Variants in GRM7 observed in about 807,000 individuals in gnomAD.
GRM7 encodes the protein glutamate metabotropic receptor 7.
GRM7 carries 35 observed loss-of-function variants against 84.5 expected under a neutral mutation model. The ratio of observed to expected loss-of-function variants is 0.41; its 90% CI spans 0.32 to 0.55. The LOEUF (loss-of-function observed/expected upper bound fraction) is 0.55, where lower values mean the gene tolerates loss of function less well. GRM7 is among the 20% of genes least tolerant of loss of function. GRM7 has a pLI of 0.19. For missense variants in GRM7, 1,003 were observed against 1,194.6 expected, an observed-to-expected ratio of 0.84 and a Z score of 2.36; for synonymous variants, 487 against 455.1, an observed-to-expected ratio of 1.07 and a Z score of -0.89.
chr3:7,381,864 A>G (rs1694605133), intron 4 of GRM7, among the ~76,000 whole-genome samples: 1 of 152,186 alleles, frequency 6.6e-6, no homozygotes, highest in African/African-American at 2.4e-5. Context: ...AGGCACATTT[A>G]AGGTTACCTA....
At chr3:6,884,817 C>T (rs2124969749) in intron 1 of GRM7, among the ~76,000 whole-genome samples, 1 of 152,228 alleles carries the variant, frequency 6.6e-6, no homozygotes, top group Non-Finnish European at 1.5e-5. Context: ...CCAGGCTGGT[C>T]TCAAACTCCT....
chr3:7,052,820 T>C (rs970525380), intron 1 of GRM7, among the ~76,000 whole-genome samples: 1 of 150,170 alleles, frequency 6.7e-6, no homozygotes, highest in Admixed American at 6.7e-5. Flanking sequence ...TTCTTTCCCA[T>C]TGAGGGTTAT....
chr3:7,633,171 G>T (rs1365764038), intron 8 of GRM7, among the ~76,000 whole-genome samples: 1 of 152,218 alleles, frequency 6.6e-6, no homozygotes, highest in Non-Finnish European at 1.5e-5. Flanking sequence ...ACAAAAACGT[G>T]AATTTGTGGC....
chr3:7,739,474 G>GTT (rs1401245835), intron 9 of GRM7, among the ~76,000 whole-genome samples: 4 of 152,166 alleles, frequency 2.6e-5, no homozygotes, highest in African/African-American at 7.2e-5. Flanking sequence ...AGAAACTGAT[G>GTT]CAAAACTACC....
chr3:7,356,861 A>T (rs1326177139), intron 4 of GRM7, among the ~76,000 whole-genome samples: 1 of 145,706 alleles, frequency 6.9e-6, no homozygotes, highest in Non-Finnish European at 1.5e-5. Flanking sequence ...AAACCACCCT[A>T]CTGGCTTCTC....
intron 8 of GRM7, among the ~76,000 whole-genome samples, chr3:7,596,269 G>GA (rs1312081321): frequency 0.014 from 2 of 148 alleles, no homozygotes; most frequent in Non-Finnish European, 0.024. Flanking sequence ...AGAGGAGAGG[G>GA]AAGGTTGGCA....
intron 3 of GRM7, among the ~76,000 whole-genome samples, chr3:7,301,223 G>C (rs1221987482): frequency 6.6e-6 from 1 of 151,932 alleles, no homozygotes; most frequent in Non-Finnish European, 1.5e-5. Flanking sequence ...TCTGTTTCAA[G>C]CATTCCCTTC....
At chr3:7,114,114 A>G (rs1383189335) in intron 1 of GRM7, among the ~76,000 whole-genome samples, 1 of 152,164 alleles carries the variant, frequency 6.6e-6, no homozygotes, top group Non-Finnish European at 1.5e-5. Flanking sequence ...GTGTGACTTA[A>G]TGGAGATAAA....
intron 1 of GRM7, among the ~76,000 whole-genome samples, chr3:7,019,421 T>C (rs1350996012): frequency 1.3e-5 from 2 of 152,182 alleles, no homozygotes; most frequent in African/African-American, 4.8e-5. Context: ...TTCACTGCTA[T>C]AAAAATCCCC....
At chr3:7,338,314 G>T (rs1701504104) in intron 4 of GRM7, among the ~76,000 whole-genome samples, 1 of 151,896 alleles carries the variant, frequency 6.6e-6, no homozygotes, top group African/African-American at 2.4e-5. Context: ...AAAGGCATAA[G>T]AATAATATAA....
In GRM7 at chr3:6,862,953, C is replaced by T. The variant is rs774187639; in HGVS notation, c.519+1046C>T. ...GGTGGGTTCTGCCGCAGTGTTCTCT[C>T]GCCTCCTGCTCCAGCAGCCTCTGCC... On this transcript the variant is annotated intron_variant, in intron 1 of 9. Coordinates refer to ENST00000357716, the MANE Select transcript of GRM7 (RefSeq NM_000844.4). This position sits in a 1 kb window ranked among gnomAD's most constrained non-coding sequence, Gnocchi z 5.2. 8.8e-6 allele frequency: 4 copies of T among 455,410 alleles called. No homozygotes were observed. Among genetic ancestry groups the T allele is most frequent in the East Asian group, 7.0e-5 (1 of 14,274 alleles). The allele number at this position is 455,410 out of a possible 1,614,324, so 28.2% of individuals were successfully genotyped here.
chr3:6,870,642 G>A lies in GRM7; in HGVS notation c.519+8735G>A, dbSNP rs561918802. The stretch of plus-strand genomic sequence containing the variant: ...GGGTAAGGGCAAAGAGTAGTATCTG[G>A]GAGAACAGAGAAGAGGCATTTCCAG... On this transcript the variant is annotated intron_variant, in intron 1 of 9. Transcript: ENST00000357716. Among the ~76,000 whole-genome samples, 22 of 152,282 alleles carry A rather than the reference G, an allele frequency of 1.4e-4. No individual in the cohort carries two copies. In the South Asian group the frequency reaches 3.9e-3, roughly 27 times the overall value.
chr3:7,064,479 TACACACATATAC>T (rs1267629516), intron 1 of GRM7, among the ~76,000 whole-genome samples: 78 of 98,892 alleles, frequency 7.9e-4, no homozygotes, highest in Non-Finnish European at 1.2e-3. Flanking sequence ...TATATATATA[TACACACATATAC>T]ATATATATAT....
chr3:7,724,929 G>A (rs929658313), intron 9 of GRM7, among the ~76,000 whole-genome samples: 2 of 132,970 alleles, frequency 1.5e-5, no homozygotes, highest in East Asian at 2.6e-4. Context: ...AGGCCCAGCT[G>A]TTGTTTTATT....
chr3:7,294,457 A>G (rs183591047), intron 2 of GRM7, among the ~76,000 whole-genome samples: 2 of 152,214 alleles, frequency 1.3e-5, no homozygotes, highest in East Asian at 3.9e-4. Flanking sequence ...GCCATTGCCC[A>G]GGGATATGTC....
chr3:6,980,153 CTCTT>C (rs1320520068), intron 1 of GRM7, among the ~76,000 whole-genome samples: 1 of 151,954 alleles, frequency 6.6e-6, no homozygotes, highest in African/African-American at 2.4e-5. Flanking sequence ...CATTCTTTCA[CTCTT>C]TCTTTCTTGA....
intron 7 of GRM7, among the ~76,000 whole-genome samples, chr3:7,481,396 A>G (rs191795374): frequency 9.9e-4 from 151 of 152,296 alleles, no homozygotes; most frequent in Non-Finnish European, 1.5e-3. Flanking sequence ...CCTGGCCAAT[A>G]AAGTCTTTAT....
intron 2 of GRM7, among the ~76,000 whole-genome samples, chr3:7,242,517 T>C (rs1697598357): frequency 6.6e-6 from 1 of 152,190 alleles, no homozygotes; most frequent in Non-Finnish European, 1.5e-5. Context: ...ATTGTCTTTT[T>C]AACTTTGGGC....
chr3:6,933,263 C>G (rs1455974637), intron 1 of GRM7, among the ~76,000 whole-genome samples: 1 of 152,098 alleles, frequency 6.6e-6, no homozygotes, highest in Non-Finnish European at 1.5e-5. Context: ...TTGTTGGCCC[C>G]TATGATTTCC....
Sources: gnomAD v4.1 joint callset for allele counts (sites outside exome capture counted in the v4.1 genomes callset) on GRCh38, gnomAD v4.1.1 for gene constraint, Gnocchi (gnomAD v3.1) non-coding constraint, MANE v1.5 for transcripts, NCBI Gene and HGNC (gene_info 2026-07-23, HGNC 2026-07-21) for gene names.